Variants in KIF1A observed in about 807,000 individuals in gnomAD.
The protein encoded by KIF1A is kinesin family member 1A.
In KIF1A, 46 loss-of-function variants were observed where a neutral mutation model predicts 227.3. The observed-to-expected ratio is 0.20, with a 90% CI of 0.16 to 0.26. KIF1A has a LOEUF of 0.26. Ranked by LOEUF, KIF1A falls within the 10% of genes least tolerant of loss-of-function variation. KIF1A has a pLI of 1.00. For synonymous variants in KIF1A, 1,022 were observed against 1,012.8 expected, an observed-to-expected ratio of 1.01 and a Z score of -0.17; for missense variants, 1,683 against 2,485.9, an observed-to-expected ratio of 0.68 and a Z score of 6.87.
rs149450853 is a variant in KIF1A at position 240,745,703 on chromosome 2, C to T, written c.3374+35G>A. ...GGGAGCCTTGGGCACAGAGTCCCTG[C>T]GCAGCGCAGGGACACAAAGGCAGCA... On this transcript the variant is annotated intron_variant, in intron 31 of 48. Transcript: ENST00000498729. The T allele has an allele frequency of 4.8e-4, 760 of 1,599,636 alleles. 6 individuals carry two copies. The highest frequency in any genetic ancestry group is 3.2e-3 in the African/African-American group (242 of 74,714).
chr2:240,792,431 A>C lies in KIF1A; in HGVS notation c.107-3119T>G. Reference sequence around the variant, plus strand: ...CAGGCCCCCAGAGCTGGGCCCCTCCAAGGCCGGCGAGGTGCCCAGTATCAG... The same window carrying C: ...CAGGCCCCCAGAGCTGGGCCCCTCCCAGGCCGGCGAGGTGCCCAGTATCAG... On this transcript the variant is annotated intron_variant, in intron 2 of 48. Transcript: ENST00000498729. The surrounding 1 kb of genome is among the most constrained non-coding windows in gnomAD (Gnocchi z 4.5). Among the ~76,000 whole-genome samples, 1 of 148,558 alleles carries C rather than the reference A, an allele frequency of 6.7e-6. No individual in the cohort carries two copies.
chr2:240,724,951 G>GGGGGCC (rs2045839037), intron 40 of KIF1A: 1 of 141,724 alleles, frequency 7.1e-6, no homozygotes, highest in Non-Finnish European at 1.4e-5. Context: ...GGGGGGGGGG[G>GGGGGCC]AACGGTGTGG....
intron 1 of KIF1A, among the ~76,000 whole-genome samples, chr2:240,799,649 C>G (rs2056781411): frequency 1.3e-5 from 2 of 152,150 alleles, no homozygotes; most frequent in Non-Finnish European, 2.9e-5. Flanking sequence ...ACTTTTAAAA[C>G]TGGAAAAAGT....
chr2:240,750,341 C>A, intron 28 of KIF1A, 88 bp downstream of exon 28: 1 of 909,014 alleles, frequency 1.1e-6, no homozygotes, highest in African/African-American at 1.6e-5. Flanking sequence ...TGCCAGAAGG[C>A]CCTTCTTGGG....
chr2:240,757,185 G>T lies in KIF1A; in HGVS notation c.2858+134C>A. 2 of 884,890 alleles carry T rather than the reference G, an allele frequency of 2.3e-6. No homozygotes were observed. The highest frequency in any genetic ancestry group is 1.7e-5 in the South Asian group (1 of 57,786). 54.8% of individuals were successfully genotyped at this position (884,890 alleles called of 1,614,324 possible). Reference sequence around the variant, plus strand: ...GGCCCTCGGGTGCTCTCCTCAGGAGGCCAGCCCCTCCACCTGCCTCGCCTG... The same window carrying T: ...GGCCCTCGGGTGCTCTCCTCAGGAGTCCAGCCCCTCCACCTGCCTCGCCTG... On this transcript the variant is annotated intron_variant, in intron 27 of 48. Coordinates refer to ENST00000498729, the MANE Select transcript of KIF1A (RefSeq NM_001244008.2). This position sits in a 1 kb window ranked among gnomAD's most constrained non-coding sequence, Gnocchi z 6.2.
intron 44 of KIF1A, 144 bp from the exon 45 acceptor site, chr2:240,721,182 G>A (rs1259563925): frequency 8.8e-6 from 10 of 1,133,916 alleles, no homozygotes; most frequent in Non-Finnish European, 1.3e-5. Flanking sequence ...GCTCAAAGTT[G>A]GCCAGCTCAA....
At chr2:240,749,340 AG>A (rs2125817838) in intron 28 of KIF1A, among the ~76,000 whole-genome samples, 1 of 152,070 alleles carries the variant, frequency 6.6e-6, no homozygotes, top group African/African-American at 2.4e-5. Flanking sequence ...CCATCTGGGG[AG>A]GGGTATGGCC....
chr2:240,717,281 G>A lies in KIF1A; in HGVS notation c.*83C>T. On this transcript the variant is annotated 3_prime_UTR_variant, in exon 49 of 49. Transcript: ENST00000498729. Reference sequence around the variant, plus strand: ...GGTCGTGGGCTGTCTGGCAGGAGAGGGGCTGGGCGGCAGGTGACAGGACAG... The same window carrying A: ...GGTCGTGGGCTGTCTGGCAGGAGAGAGGCTGGGCGGCAGGTGACAGGACAG... 1 of 1,359,214 alleles carries A rather than the reference G, an allele frequency of 7.4e-7. No homozygotes were observed. Among genetic ancestry groups the A allele is most frequent in the South Asian group, 1.2e-5 (1 of 83,962 alleles). 84.2% of individuals were successfully genotyped at this position (1,359,214 alleles called of 1,614,324 possible).
chr2:240,809,103 C>T lies in KIF1A; in HGVS notation c.-61+11019G>A, dbSNP rs537878107. Among the ~76,000 whole-genome samples the T allele has an allele frequency of 9.8e-5, 15 of 152,310 alleles. No individual in the cohort carries two copies. The South Asian group carries it at 3.1e-3, about 32-fold the overall frequency. On this transcript the variant is annotated intron_variant, in intron 1 of 48. Coordinates refer to ENST00000498729, the MANE Select transcript of KIF1A (RefSeq NM_001244008.2). ...GCGGAAAATCTAAATAAATGGAGAA[C>T]TATAACTTATTGGTGGAAAATAAAT...
intron 28 of KIF1A, among the ~76,000 whole-genome samples, chr2:240,749,914 C>T (rs1289326219): frequency 6.6e-6 from 1 of 152,186 alleles, no homozygotes; most frequent in African/African-American, 2.4e-5. Flanking sequence ...CCAGGGAGGG[C>T]TGCCCTGAGC....
At chr2:240,773,976 C>A (rs984556185) in intron 12 of KIF1A, among the ~76,000 whole-genome samples, 2 of 152,216 alleles carry the variant, frequency 1.3e-5, no homozygotes, top group African/African-American at 4.8e-5. Context: ...CCAAAGCACA[C>A]CCCCAAAGGC....
At chr2:240,763,468 C>A in intron 20 of KIF1A, 122 bp from the exon 21 acceptor site, 1 of 911,760 alleles carries the variant, frequency 1.1e-6, no homozygotes, top group Non-Finnish European at 1.6e-6. Flanking sequence ...CCCCAGCTCC[C>A]AGCCACTCCT....
At chr2:240,772,300 G>A (rs541249734) in intron 14 of KIF1A, among the ~76,000 whole-genome samples, 55 of 152,308 alleles carry the variant, frequency 3.6e-4, no homozygotes, top group Admixed American at 5.2e-4. Context: ...AGGCCTCAGC[G>A]ACACCCTGAC....
chr2:240,747,374 G>T (rs1339967196), intron 28 of KIF1A, 53 bp from the exon 29 acceptor site: 96 of 1,483,108 alleles, frequency 6.5e-5, no homozygotes, highest in Non-Finnish European at 8.1e-5. Context: ...CCTGAGGTGG[G>T]TGTGGGCAGA....
At chr2:240,720,058 G>A (rs992844539) in intron 45 of KIF1A, 132 bp from the exon 46 acceptor site, 16 of 819,406 alleles carry the variant, frequency 2.0e-5, no homozygotes, top group African/African-American at 1.4e-4. Flanking sequence ...CTCCAGCTGT[G>A]CCCACAGTGG....
rs989679959 is a variant in KIF1A at position 240,790,302 on chromosome 2, C to T, written c.107-990G>A. On this transcript the variant is annotated intron_variant, in intron 2 of 48. Transcript: ENST00000498729. This position sits in a 1 kb window ranked among gnomAD's most constrained non-coding sequence, Gnocchi z 5.0. ...ACACTGGCCATTCCTGGTCAGGGAG[C>T]CCCCGGAGACCACCACCATCACATC... 3.9e-5 allele frequency among the ~76,000 whole-genome samples: 6 copies of T among 152,100 alleles called. No homozygotes were observed. Among genetic ancestry groups the T allele is most frequent in the Non-Finnish European group, 8.8e-5 (6 of 68,026 alleles).
chr2:240,720,171 A>G, intron 45 of KIF1A: 1 of 413,150 alleles, frequency 2.4e-6, no homozygotes, highest in Middle Eastern at 6.4e-4. Flanking sequence ...GGGCCCAGCC[A>G]GGGAGCCTGT....
At position 240,737,131 on chromosome 2, in the gene KIF1A, C is replaced by A; in HGVS notation, c.3939G>T (p.Leu1313=). 6.2e-7 allele frequency: 1 copy of A among 1,613,746 alleles called. No individual in the cohort carries two copies. Among genetic ancestry groups the A allele is most frequent in the South Asian group, 1.1e-5 (1 of 91,074 alleles). Residue 1313 remains leucine (L), a synonymous_variant, in exon 38 of 49, where the codon CTG becomes CTT. Transcript: ENST00000498729. ...TGAGAGACAAGATGTTGGGGTCGAT[C>A]AGGGACTCGTCGGTCTCTGGAGTGT... The part of the protein sequence containing the change: ...IRNTPETDES[L]IDPNILSLNI...
intron 17 of KIF1A, among the ~76,000 whole-genome samples, chr2:240,767,661 A>AT (rs2051381155): frequency 6.6e-6 from 1 of 152,240 alleles, no homozygotes; most frequent in Admixed American, 6.5e-5. Flanking sequence ...AGCTCTCAGC[A>AT]TGTGGGGGCC....
Sources: allele counts gnomAD v4.1 joint callset (sites outside exome capture counted in the v4.1 genomes callset), GRCh38; gene constraint gnomAD v4.1.1; non-coding constraint Gnocchi (gnomAD v3.1); transcripts MANE v1.5; gene names NCBI Gene and HGNC (gene_info 2026-07-23, HGNC 2026-07-21).